Variants in PTPRE observed in about 807,000 individuals in gnomAD.
PTPRE encodes protein tyrosine phosphatase receptor type E.
A neutral mutation model predicts 102.0 loss-of-function variants in PTPRE; 51 were observed. That is an observed-to-expected ratio of 0.50 (90% CI 0.40 to 0.63). The LOEUF is 0.63. Ranked by LOEUF, PTPRE falls within the 30% of genes least tolerant of loss-of-function variation. PTPRE has a pLI of 0.00. For synonymous variants in PTPRE, 345 were observed against 348.2 expected, an observed-to-expected ratio of 0.99 and a Z score of 0.10; for missense variants, 752 against 915.1, an observed-to-expected ratio of 0.82 and a Z score of 2.30.
rs7085589 is a variant in PTPRE, at chr10:128,083,437, A to G, written c.*531A>G. On this transcript the variant is annotated 3_prime_UTR_variant, in exon 21 of 21. Transcript: ENST00000254667. ...TCCATGTGGTTTATCTTTACATTTT[A>G]AAGATCAAAGAAGTCTTTACAACCT... is the stretch of plus-strand genomic sequence containing the variant. The G allele has an allele frequency of 0.55, 83,091 of 152,156 alleles. 22,875 individuals are homozygous for G. Among genetic ancestry groups the G allele is most frequent in the Admixed American group, 0.62 (9,452 of 15,274 alleles). The allele number at this position is 152,156 out of a possible 1,614,324, so 9.4% of individuals were successfully genotyped here.
intron 20 of PTPRE, 145 bp downstream of exon 20, chr10:128,079,840 G>T (rs187823774): frequency 2.6e-6 from 3 of 1,140,144 alleles, no homozygotes; most frequent in Admixed American, 2.6e-5. Context: ...GCAATGTTTC[G>T]CAGTAAACCT....
chr10:128,073,260 G>C (rs1223862856), intron 16 of PTPRE, 77 bp from the exon 17 acceptor site: 3 of 1,583,316 alleles, frequency 1.9e-6, no homozygotes, highest in Non-Finnish European at 2.6e-6. Context: ...GCCTTAGGCT[G>C]TCCTAAACTT....
At chr10:128,047,923 C>A in intron 5 of PTPRE, 86 bp downstream of exon 5, 2 of 1,395,626 alleles carry the variant, frequency 1.4e-6, no homozygotes, top group South Asian at 1.4e-5. Context: ...CTTTAACGTT[C>A]AAAGTAAATT....
intron 2 of PTPRE, among the ~76,000 whole-genome samples, chr10:128,016,500 T>A (rs1332913896): frequency 6.6e-6 from 1 of 151,238 alleles, no homozygotes; most frequent in Non-Finnish European, 1.5e-5. Flanking sequence ...TTTTTTTTAC[T>A]TTTTTAGAGA....
At chr10:128,022,846 T>A (rs1480421078) in intron 2 of PTPRE, among the ~76,000 whole-genome samples, 1 of 152,190 alleles carries the variant, frequency 6.6e-6, no homozygotes, top group African/African-American at 2.4e-5. Flanking sequence ...GACGGTCGAT[T>A]GGAAAGAAAC....
At chr10:127,948,467 T>C (rs1848785702) in intron 1 of PTPRE, among the ~76,000 whole-genome samples, 1 of 152,202 alleles carries the variant, frequency 6.6e-6, no homozygotes, top group Non-Finnish European at 1.5e-5. Flanking sequence ...CCGTGTCATA[T>C]AGAATGGTTT....
intron 1 of PTPRE, among the ~76,000 whole-genome samples, chr10:127,968,153 A>G (rs1415752614): frequency 6.6e-6 from 1 of 152,206 alleles, no homozygotes; most frequent in East Asian, 1.9e-4. Flanking sequence ...CACTGCTGCC[A>G]TGCAAATGTC....
chr10:128,062,730 T>C (rs1014364003), intron 9 of PTPRE, among the ~76,000 whole-genome samples: 42 of 152,238 alleles, frequency 2.8e-4, no homozygotes, highest in African/African-American at 9.9e-4. Flanking sequence ...GGATTGGGAA[T>C]GCAGGGTGAG....
At position 127,907,452 on chromosome 10, in the gene PTPRE, C is replaced by T. The variant is rs1845557059; in HGVS notation, c.-31+143C>T. ...GGGCTCAGAGTCCGGACCCCGGCCC[C>T]GCCGCCCCCGCGGCGCGCCCAGTAC... On this transcript the variant is annotated intron_variant, in intron 1 of 20. Coordinates refer to ENST00000254667, the MANE Select transcript of PTPRE (RefSeq NM_006504.6). The surrounding 1 kb of genome is among the most constrained non-coding windows in gnomAD (Gnocchi z 4.8). The T allele has an allele frequency of 1.8e-6, 1 of 544,738 alleles. No individual in the cohort carries two copies. Among genetic ancestry groups the T allele is most frequent in the Admixed American group, 6.4e-5 (1 of 15,668 alleles). 33.7% of individuals were successfully genotyped at this position (544,738 alleles called of 1,614,324 possible).
rs993774193 is a variant in PTPRE at position 128,010,792 on chromosome 10, C to T, written c.-8+28496C>T. On this transcript the variant is annotated intron_variant, in intron 2 of 20. Transcript: ENST00000254667. Reference sequence around the variant, plus strand: ...ATTTTTAGTCGAGATGGGGTTTCACCGTGTTAGCCAGGATGGTCTTGATCT... The same window carrying T: ...ATTTTTAGTCGAGATGGGGTTTCACTGTGTTAGCCAGGATGGTCTTGATCT... Among the ~76,000 whole-genome samples, 44 of 152,066 alleles carry T rather than the reference C, an allele frequency of 2.9e-4. 1 individual carries two copies. The highest frequency in any genetic ancestry group is 1.1e-3 in the African/African-American group (44 of 41,406).
At chr10:128,076,478 A>G (rs1053787828) in intron 17 of PTPRE, 125 bp from the exon 18 acceptor site, 10 of 801,566 alleles carry the variant, frequency 1.2e-5, no homozygotes, top group African/African-American at 2.4e-5. Flanking sequence ...TCATATTCAT[A>G]TGTTTTTTTT....
In PTPRE at chr10:128,077,610, C is replaced by T. The variant is rs1401320700; in HGVS notation, c.1726-7C>T. On this transcript the variant is annotated splice_polypyrimidine_tract_variant and splice_region_variant and intron_variant, in intron 18 of 20. Coordinates refer to ENST00000254667, the MANE Select transcript of PTPRE (RefSeq NM_006504.6). ...GGCGACGCTGAGACCCCCTCTCCTC[C>T]CTGCAGCCCCAGGCCCGCCAGGAGG... 8 of 1,598,144 alleles carry T rather than the reference C, an allele frequency of 5.0e-6. No homozygotes were observed. The highest frequency in any genetic ancestry group is 1.8e-4 in the Middle Eastern group (1 of 5,662).
At chr10:128,077,944 CT>C (rs796926791) in intron 19 of PTPRE, among the ~76,000 whole-genome samples, 161 bp downstream of exon 19, 46 of 152,360 alleles carry the variant, frequency 3.0e-4, no homozygotes, top group African/African-American at 1.1e-3. Flanking sequence ...CACGACTTCA[CT>C]TAAGTACATA....
chr10:127,949,974 C>G (rs1848900852), intron 1 of PTPRE, among the ~76,000 whole-genome samples: 1 of 152,046 alleles, frequency 6.6e-6, no homozygotes, highest in African/African-American at 2.4e-5. Flanking sequence ...ATGGGACTCA[C>G]AGCCTCCCCT....
At chr10:127,959,131 A>G (rs7905444) in intron 1 of PTPRE, among the ~76,000 whole-genome samples, 11,012 of 152,288 alleles carry the variant, frequency 0.072, 474 homozygotes, top group Middle Eastern at 0.099. Flanking sequence ...CCCAACCTCA[A>G]GTGATCCGCC....
At chr10:127,974,473 G>A (rs1301697742) in intron 1 of PTPRE, among the ~76,000 whole-genome samples, 1 of 152,176 alleles carries the variant, frequency 6.6e-6, no homozygotes, top group Non-Finnish European at 1.5e-5. Flanking sequence ...CCAAACACAG[G>A]TTAGTGTTCT....
chr10:127,914,694 C>A (rs1255066013), intron 1 of PTPRE, among the ~76,000 whole-genome samples: 1 of 152,210 alleles, frequency 6.6e-6, no homozygotes, highest in Non-Finnish European at 1.5e-5. Flanking sequence ...CTTTCCAAAT[C>A]CTTCCTCTCT....
At position 128,024,075 on chromosome 10, in the gene PTPRE, A is replaced by T. The variant is rs190013456; in HGVS notation, c.-7-16800A>T. Among the ~76,000 whole-genome samples, 293 of 152,370 alleles carry T rather than the reference A, an allele frequency of 1.9e-3. 1 individual carries two copies. The highest frequency in any genetic ancestry group is 6.6e-3 in the African/African-American group (275 of 41,592). On this transcript the variant is annotated intron_variant, in intron 2 of 20. Transcript: ENST00000254667. The stretch of plus-strand genomic sequence containing the variant: ...TTTGAAACTCATGAAGAATTGTGAG[A>T]CATTGTACATTGTTCTCAAATTTGA...
intron 2 of PTPRE, among the ~76,000 whole-genome samples, chr10:127,993,131 G>A (rs770237046): frequency 4.6e-5 from 7 of 152,116 alleles, no homozygotes; most frequent in Non-Finnish European, 8.8e-5. Context: ...TCAGGTCTAT[G>A]AAAGACAGAG....
Sources: allele counts gnomAD v4.1 joint callset (sites outside exome capture counted in the v4.1 genomes callset), GRCh38; gene constraint gnomAD v4.1.1; non-coding constraint Gnocchi (gnomAD v3.1); transcripts MANE v1.5; gene names NCBI Gene and HGNC (gene_info 2026-07-23, HGNC 2026-07-21).